Variants in NSUN6 observed in about 807,000 individuals in gnomAD.
NSUN6 encodes NOP2/Sun RNA methyltransferase 6, also known as tRNA (cytosine(72)-C(5))-methyltransferase NSUN6.
A neutral mutation model predicts 58.0 loss-of-function variants in NSUN6; 64 were observed. The ratio of observed to expected loss-of-function variants is 1.10; its 90% CI spans 0.90 to 1.36. The LOEUF (loss-of-function observed/expected upper bound fraction) is 1.36, where lower values mean the gene tolerates loss of function less well. NSUN6 is among the 40% of genes most tolerant of loss of function. The pLI, the probability that NSUN6 is intolerant of heterozygous loss-of-function variation, is 0.00. For synonymous variants in NSUN6, 231 were observed against 193.9 expected (o/e 1.19, Z -1.59); for missense variants, 701 against 550.1 (o/e 1.27, Z -2.74).
chr10:18,551,981 G>C lies in NSUN6; in HGVS notation c.923-10C>G. 2 of 1,561,632 alleles carry C rather than the reference G, an allele frequency of 1.3e-6. No homozygotes were observed. Among genetic ancestry groups the C allele is most frequent in the Non-Finnish European group, 1.8e-6 (2 of 1,138,010 alleles). On this transcript the variant is annotated splice_polypyrimidine_tract_variant and intron_variant, in intron 8 of 10. Coordinates refer to ENST00000377304, the MANE Select transcript of NSUN6 (RefSeq NM_182543.5). ...AGAAATGGAGGTTCTCCTATAAAGA[G>C]AATTATAATCATGTTTACTATCTTC...
intron 8 of NSUN6, among the ~76,000 whole-genome samples, chr10:18,581,806 C>T (rs1417370641): frequency 6.7e-6 from 1 of 148,998 alleles, no homozygotes; most frequent in African/African-American, 2.5e-5. Context: ...AGACTGGTGA[C>T]AGAGTGAGAT....
chr10:18,602,559 G>T (rs1590028560), intron 6 of NSUN6, among the ~76,000 whole-genome samples: 4 of 138,908 alleles, frequency 2.9e-5, no homozygotes, highest in African/African-American at 1.0e-4. Context: ...TAGTAGAGAT[G>T]GTGTTTCACC....
Position 18,616,220 on chromosome 10 carries a change from G to A in NSUN6, c.385C>T (p.His129Tyr), listed in dbSNP as rs1014031535. Reference sequence around the variant, plus strand: ...GACACAATTCCTGGGGCATAGACATGGGCTCCTCTTAAAACTGCATTGCCA... The same window carrying A: ...GACACAATTCCTGGGGCATAGACATAGGCTCCTCTTAAAACTGCATTGCCA... ...QCGNAVLRGA[H>Y]VYAPGIVSAS... The change falls in exon 4 of 11, where the codon CAT (histidine) becomes TAT (tyrosine). Residue 129 changes from histidine to tyrosine, a missense_variant. By Grantham distance (83) the His-to-Tyr change is moderately conservative (BLOSUM62 2). Transcript: ENST00000377304. The A allele has an allele frequency of 1.1e-5, 18 of 1,603,578 alleles. No individual in the cohort carries two copies. Among genetic ancestry groups the A allele is most frequent in the Non-Finnish European group, 1.5e-5 (17 of 1,170,638 alleles).
chr10:18,576,567 G>GCT (rs2056658762), intron 8 of NSUN6, among the ~76,000 whole-genome samples: 1 of 152,178 alleles, frequency 6.6e-6, no homozygotes, highest in South Asian at 2.1e-4. Flanking sequence ...GTCATGCCAA[G>GCT]CTCTCTCTCT....
rs1236800816 is a variant in NSUN6 at position 18,567,570 on chromosome 10, CCATTCCATTCTCCATAG to C, written c.923-15616_923-15600del. On this transcript the variant is annotated intron_variant, in intron 8 of 10. Transcript: ENST00000377304. ...ATTCTCTTCCATTCTCCATTCCGTTCCATTCCATTCTCCATAGCATTCCATTCTCCATTCCATTCTCT... is the reference window on the plus strand; with the variant it reads ...ATTCTCTTCCATTCTCCATTCCGTTCCATTCCATTCTCCATTCCATTCTCT... 1.1e-4 allele frequency among the ~76,000 whole-genome samples: 17 copies of C among 151,306 alleles called. 2 individuals carry two copies. The highest frequency in any genetic ancestry group is 3.3e-4 in the Admixed American group (5 of 15,124).
chr10:18,607,756 A>C (rs576234366), intron 6 of NSUN6, among the ~76,000 whole-genome samples: 2 of 152,236 alleles, frequency 1.3e-5, no homozygotes, highest in Non-Finnish European at 2.9e-5. Flanking sequence ...TACAGGCTTG[A>C]AATCAGAAAG....
chr10:18,586,071 T>C lies in NSUN6; in HGVS notation c.800A>G (p.Lys267Arg). The change falls in exon 8 of 11, where the codon AAA (lysine) becomes AGA (arginine). Residue 267 changes from lysine (K) to arginine (R), a missense_variant. Coordinates refer to ENST00000377304, the MANE Select transcript of NSUN6 (RefSeq NM_182543.5). ...GATTTTTTCTACTTTGTTGAAGATTTTATCCAGTGCTATAACTTCTCCCTA... is the reference window on the plus strand; with the variant it reads ...GATTTTTTCTACTTTGTTGAAGATTCTATCCAGTGCTATAACTTCTCCCTA... The part of the protein sequence containing the change: ...HDQGEVIALD[K>R]IFNKVEKIKQ... 1 of 1,606,686 alleles carries C rather than the reference T, an allele frequency of 6.2e-7. No individual in the cohort carries two copies. Among genetic ancestry groups the C allele is most frequent in the Non-Finnish European group, 8.5e-7 (1 of 1,177,030 alleles).
intron 8 of NSUN6, among the ~76,000 whole-genome samples, chr10:18,574,136 G>A (rs1295944542): frequency 1.3e-5 from 2 of 152,096 alleles, no homozygotes; most frequent in Admixed American, 1.3e-4. Flanking sequence ...CCAGCAGACT[G>A]TGGCCTTCCT....
intron 7 of NSUN6, among the ~76,000 whole-genome samples, chr10:18,589,843 G>A (rs920227070): frequency 6.6e-5 from 10 of 152,124 alleles, no homozygotes; most frequent in Non-Finnish European, 1.5e-4. Context: ...TGAAGAAACT[G>A]CATCAACTAA....
upstream of NSUN6, chr10:18,652,808 T>C (rs2059732430): frequency 2.9e-6 from 2 of 685,158 alleles, no homozygotes; most frequent in Non-Finnish European, 3.6e-6. Flanking sequence ...GATCTGACTC[T>C]CTAGCCTCCC....
At chr10:18,652,569 C>CTTT (rs532727978), upstream of NSUN6, 851 of 895,152 alleles carry the variant, frequency 9.5e-4, no homozygotes, top group Non-Finnish European at 9.8e-4. Flanking sequence ...TTTCTCTGCT[C>CTTT]TTTTTTTTTT....
intron 8 of NSUN6, among the ~76,000 whole-genome samples, chr10:18,580,730 A>G (rs1373329022): frequency 6.6e-6 from 1 of 152,170 alleles, no homozygotes; most frequent in Non-Finnish European, 1.5e-5. Flanking sequence ...CCATCTCTGC[A>G]GCAGTGGCCC....
At chr10:18,579,688 T>C (rs1349687453) in intron 8 of NSUN6, among the ~76,000 whole-genome samples, 1 of 152,144 alleles carries the variant, frequency 6.6e-6, no homozygotes, top group Non-Finnish European at 1.5e-5. Context: ...CATCAATCAA[T>C]ATGTGTAAAA....
At chr10:18,555,509 G>A (rs2054930178) in intron 8 of NSUN6, among the ~76,000 whole-genome samples, 1 of 150,390 alleles carries the variant, frequency 6.6e-6, no homozygotes, top group African/African-American at 2.4e-5. Flanking sequence ...ATGGTATGGA[G>A]AATGGAATGG....
At chr10:18,623,705 G>A (rs949602156) in intron 3 of NSUN6, among the ~76,000 whole-genome samples, 5 of 152,276 alleles carry the variant, frequency 3.3e-5, no homozygotes, top group African/African-American at 1.2e-4. Context: ...AGCAGCCCAG[G>A]AAAGAGAAAA....
intron 3 of NSUN6, among the ~76,000 whole-genome samples, chr10:18,623,260 T>A (rs896892618): frequency 4.6e-5 from 7 of 152,186 alleles, no homozygotes; most frequent in African/African-American, 1.7e-4. Flanking sequence ...CTGATGCATT[T>A]ATAATGAAAA....
intron 1 of NSUN6, among the ~76,000 whole-genome samples, chr10:18,650,917 C>T (rs1590209121): frequency 6.6e-6 from 1 of 152,140 alleles, no homozygotes. Context: ...CCTTCTTTTC[C>T]ACTCCTAAAT....
At position 18,579,805 on chromosome 10, in the gene NSUN6, C is replaced by A. The variant is rs142422287; in HGVS notation, c.922+6144G>T. 3.7e-3 allele frequency among the ~76,000 whole-genome samples: 561 copies of A among 152,226 alleles called. 4 individuals are homozygous for A. Among genetic ancestry groups the A allele is most frequent in the African/African-American group, 0.012 (510 of 41,530 alleles). On this transcript the variant is annotated intron_variant, in intron 8 of 10. Coordinates refer to ENST00000377304, the MANE Select transcript of NSUN6 (RefSeq NM_182543.5). ...GTCTTGATCAGCCTTCCACTGAATA[C>A]ACAATTTAGTCTGCCTCAATAAATC...
chr10:18,597,126 A>T (rs1024187104), intron 6 of NSUN6, among the ~76,000 whole-genome samples: 2 of 152,224 alleles, frequency 1.3e-5, no homozygotes, highest in African/African-American at 4.8e-5. Context: ...AATATATATT[A>T]TGAGGTTATA....
Sources: gnomAD v4.1 joint callset for allele counts (sites outside exome capture counted in the v4.1 genomes callset) on GRCh38, gnomAD v4.1.1 for gene constraint, MANE v1.5 for transcripts, NCBI Gene and HGNC (gene_info 2026-07-23, HGNC 2026-07-21) for gene names.